The following MYO5A variants were observed in gnomAD, a reference collection of about 807,000 sequenced individuals.
The protein encoded by MYO5A is unconventional myosin-Va.
In MYO5A, 98 loss-of-function variants were observed where a neutral mutation model predicts 249.7. The ratio of observed to expected loss-of-function variants is 0.39; its 90% CI spans 0.33 to 0.46. The LOEUF (loss-of-function observed/expected upper bound fraction) is 0.46. Ranked by LOEUF, MYO5A falls within the 20% of genes least tolerant of loss-of-function variation. The probability of loss-of-function intolerance (pLI) is 0.98; values close to 1 mark genes in which losing one functional copy is unlikely to be tolerated. For synonymous variants in MYO5A, 778 were observed against 810.6 expected (o/e 0.96, Z 0.68); for missense variants, 1,696 against 2,308.8 (o/e 0.73, Z 5.44).
intron 1 of MYO5A, among the ~76,000 whole-genome samples, chr15:52,460,515 G>A (rs1048202284): frequency 5.3e-5 from 8 of 152,192 alleles, no homozygotes; most frequent in South Asian, 4.1e-4. Context: ...GTGTGGCGGC[G>A]CGCGCCTGCA....
intron 1 of MYO5A, among the ~76,000 whole-genome samples, chr15:52,437,379 G>C (rs997556052): frequency 6.6e-6 from 1 of 152,098 alleles, no homozygotes; most frequent in South Asian, 2.1e-4. Context: ...CGGATCACTT[G>C]AGCTCAGGAG....
chr15:52,356,823 T>TTTTTTTTTTTTTTTTTTTTTC (rs1555432798), intron 25 of MYO5A, among the ~76,000 whole-genome samples: 1 of 127,788 alleles, frequency 7.8e-6, no homozygotes, highest in Non-Finnish European at 1.5e-5. Context: ...TTTTTTATTT[T>TTTTTTTTTTTTTTTTTTTTTC]CAGGAATTGT....
At chr15:52,432,821 T>C (rs1282600819) in intron 2 of MYO5A, among the ~76,000 whole-genome samples, 1 of 152,152 alleles carries the variant, frequency 6.6e-6, no homozygotes, top group African/African-American at 2.4e-5. Flanking sequence ...CCAATGAGTC[T>C]CCTCTAAGAC....
intron 1 of MYO5A, among the ~76,000 whole-genome samples, chr15:52,517,072 A>G (rs921359802): frequency 6.6e-6 from 1 of 152,204 alleles, no homozygotes; most frequent in Non-Finnish European, 1.5e-5. Flanking sequence ...GTCTAAGAAA[A>G]TTTCTCAAAA....
intron 18 of MYO5A, 109 bp from the exon 19 acceptor site, chr15:52,376,667 AACTTGGGCT>A: frequency 9.6e-7 from 1 of 1,046,858 alleles, no homozygotes; most frequent in Non-Finnish European, 1.4e-6. Context: ...TATTAGCTAA[AACTTGGGCT>A]ACATCACAAT....
At chr15:52,446,547 G>A (rs577204052) in intron 1 of MYO5A, among the ~76,000 whole-genome samples, 10 of 152,212 alleles carry the variant, frequency 6.6e-5, no homozygotes, top group Non-Finnish European at 1.5e-4. Flanking sequence ...CCTATACAGA[G>A]TTGCAAGGGG....
At chr15:52,394,242 G>C (rs967541381) in intron 11 of MYO5A, among the ~76,000 whole-genome samples, 2 of 152,214 alleles carry the variant, frequency 1.3e-5, no homozygotes, top group Non-Finnish European at 2.9e-5. Flanking sequence ...GACTAAACCA[G>C]TGTGGGTACA....
chr15:52,510,636 C>T (rs368283362), intron 1 of MYO5A, among the ~76,000 whole-genome samples: 1 of 152,162 alleles, frequency 6.6e-6, no homozygotes, highest in Non-Finnish European at 1.5e-5. Context: ...ACTGCACAGG[C>T]GAAGGATCTA....
chr15:52,412,751 G>A (rs753895238), intron 5 of MYO5A, among the ~76,000 whole-genome samples: 5 of 152,162 alleles, frequency 3.3e-5, no homozygotes, highest in Non-Finnish European at 5.9e-5. Context: ...TAAATTTTGT[G>A]ATCTTGGTAA....
intron 1 of MYO5A, 102 bp downstream of exon 1, chr15:52,528,678 G>A: frequency 1.5e-6 from 2 of 1,335,104 alleles, no homozygotes; most frequent in Non-Finnish European, 2.0e-6. Flanking sequence ...GGCGCTGGTG[G>A]GGCTCGCCTG....
At chr15:52,521,509 T>C (rs1331389918) in intron 1 of MYO5A, among the ~76,000 whole-genome samples, 1 of 152,212 alleles carries the variant, frequency 6.6e-6, no homozygotes, top group Non-Finnish European at 1.5e-5. Flanking sequence ...CCCAGCATCT[T>C]GCCCACATTT....
At chr15:52,503,872 C>T (rs2077206952) in intron 1 of MYO5A, among the ~76,000 whole-genome samples, 1 of 152,102 alleles carries the variant, frequency 6.6e-6, no homozygotes, top group African/African-American at 2.4e-5. Context: ...ATTTACCAAA[C>T]ATTTTACCAT....
chr15:52,451,866 C>T lies in MYO5A; in HGVS notation c.28-18581G>A, dbSNP rs141668414. On this transcript the variant is annotated intron_variant, in intron 1 of 41. Coordinates refer to ENST00000399233, the MANE Select transcript of MYO5A (RefSeq NM_001382347.1). ...TTACGTTTTCTCAGATAACCCTGTA[C>T]TTTTTCTTCACTATGAAAACCATGA... Among the ~76,000 whole-genome samples, 925 of 152,298 alleles carry T rather than the reference C, an allele frequency of 6.1e-3. 15 individuals carry two copies. Among genetic ancestry groups the T allele is most frequent in the African/African-American group, 0.021 (888 of 41,556 alleles).
chr15:52,417,021 G>C (rs76576360), intron 4 of MYO5A, among the ~76,000 whole-genome samples: 1 of 152,094 alleles, frequency 6.6e-6, no homozygotes, highest in African/African-American at 2.4e-5. Flanking sequence ...TGTGTTCTTC[G>C]TGATAAGGCA....
intron 1 of MYO5A, among the ~76,000 whole-genome samples, chr15:52,494,835 G>C (rs1009836703): frequency 2.6e-5 from 4 of 152,036 alleles, no homozygotes; most frequent in Non-Finnish European, 5.9e-5. Flanking sequence ...GCCAAGCTAC[G>C]GGCAAGTGTT....
At chr15:52,408,413 A>G (rs1047581838) in intron 6 of MYO5A, among the ~76,000 whole-genome samples, 2 of 151,348 alleles carry the variant, frequency 1.3e-5, no homozygotes, top group Admixed American at 1.3e-4. Context: ...GTCAACAATC[A>G]TAAGATAATC....
At chr15:52,518,137 A>G (rs569787349) in intron 1 of MYO5A, among the ~76,000 whole-genome samples, 1 of 152,180 alleles carries the variant, frequency 6.6e-6, no homozygotes, top group African/African-American at 2.4e-5. Context: ...CCCAAGAGAT[A>G]TCTAGCAATG....
intron 38 of MYO5A, among the ~76,000 whole-genome samples, chr15:52,321,012 C>CAA (rs202041721): frequency 9.1e-4 from 81 of 89,310 alleles, no homozygotes; most frequent in African/African-American, 2.7e-3. Context: ...GACTCTGTCT[C>CAA]AAAAAAAAAA....
intron 1 of MYO5A, among the ~76,000 whole-genome samples, chr15:52,521,171 T>A (rs3764226): frequency 6.7e-6 from 1 of 149,336 alleles, no homozygotes; most frequent in Admixed American, 6.7e-5. Context: ...GAGGTTGCAG[T>A]GAGCTGAGAT....
Sources: allele counts gnomAD v4.1 joint callset (sites outside exome capture counted in the v4.1 genomes callset), GRCh38; gene constraint gnomAD v4.1.1; transcripts MANE v1.5; gene names NCBI Gene and HGNC (gene_info 2026-07-23, HGNC 2026-07-21).